Variants in RALYL observed in about 807,000 individuals in gnomAD.
RALYL encodes RNA-binding Raly-like protein.
RALYL carries 29 observed loss-of-function variants against 35.1 expected under a neutral mutation model. The ratio of observed to expected loss-of-function variants is 0.83; its 90% confidence interval spans 0.61 to 1.13. The LOEUF (loss-of-function observed/expected upper bound fraction) is 1.13, where lower values mean the gene tolerates loss of function less well. Ranked by LOEUF, RALYL falls within the 50% of genes most tolerant of loss-of-function variation. The pLI is 0.00. For missense variants in RALYL, 359 were observed against 360.4 expected (o/e 1.00, Z 0.03); for synonymous variants, 120 against 127.6 (o/e 0.94, Z 0.40).
At chr8:84,538,888 G>A (rs186442281) in intron 2 of RALYL, among the ~76,000 whole-genome samples, 1 of 152,182 alleles carries the variant, frequency 6.6e-6, no homozygotes, top group Non-Finnish European at 1.5e-5. Context: ...TAAATAAAAA[G>A]TATTATAAGG....
At chr8:84,907,988 G>A (rs1846820895) in intron 8 of RALYL, among the ~76,000 whole-genome samples, 1 of 152,064 alleles carries the variant, frequency 6.6e-6, no homozygotes, top group Admixed American at 6.6e-5. Flanking sequence ...TGTTAAGACT[G>A]ACACAAACAT....
intron 3 of RALYL, among the ~76,000 whole-genome samples, chr8:84,776,818 T>A (rs1816953975): frequency 6.6e-6 from 1 of 152,228 alleles, no homozygotes; most frequent in Non-Finnish European, 1.5e-5. Context: ...TATTCAATTG[T>A]GTTCAAAAGA....
chr8:84,809,670 G>A (rs772857463), intron 4 of RALYL, among the ~76,000 whole-genome samples: 1 of 151,988 alleles, frequency 6.6e-6, no homozygotes, highest in African/African-American at 2.4e-5. Context: ...CTTGTTGTTG[G>A]TCTGTTCAGG....
chr8:84,795,196 G>A (rs1381441272), intron 3 of RALYL, among the ~76,000 whole-genome samples: 1 of 152,198 alleles, frequency 6.6e-6, no homozygotes, highest in Admixed American at 6.5e-5. Context: ...GAATGAAGGA[G>A]CCTGGCTGTC....
intron 2 of RALYL, among the ~76,000 whole-genome samples, chr8:84,726,252 T>A (rs1844929154): frequency 6.8e-6 from 1 of 146,950 alleles, no homozygotes; most frequent in African/African-American, 2.5e-5. Context: ...TATAATTATA[T>A]CTAATTTTAT....
intron 1 of RALYL, among the ~76,000 whole-genome samples, chr8:84,373,128 A>G (rs1856246767): frequency 6.6e-6 from 1 of 150,590 alleles, no homozygotes; most frequent in South Asian, 2.1e-4. Context: ...CTTATAGATG[A>G]TGGATATTAG....
intron 1 of RALYL, among the ~76,000 whole-genome samples, chr8:84,293,048 G>A (rs974074557): frequency 1.3e-5 from 2 of 152,022 alleles, no homozygotes; most frequent in Non-Finnish European, 2.9e-5. Context: ...CATTACTTCA[G>A]TATTACATTT....
chr8:84,376,552 A>G (rs528689897), intron 1 of RALYL, among the ~76,000 whole-genome samples: 2 of 151,904 alleles, frequency 1.3e-5, no homozygotes, highest in South Asian at 4.1e-4. Flanking sequence ...AAGGCATGAC[A>G]TCTCCCATTG....
At chr8:84,405,291 T>C (rs554075548) in intron 1 of RALYL, among the ~76,000 whole-genome samples, 1 of 151,964 alleles carries the variant, frequency 6.6e-6, no homozygotes, top group South Asian at 2.1e-4. Context: ...ACCATAACAA[T>C]TGAAAGAACT....
chr8:84,604,687 T>C (rs1405239506), intron 2 of RALYL, among the ~76,000 whole-genome samples: 1 of 152,170 alleles, frequency 6.6e-6, no homozygotes, highest in Non-Finnish European at 1.5e-5. Flanking sequence ...TTGTTTTCCA[T>C]CTATTCTTAT....
intron 1 of RALYL, among the ~76,000 whole-genome samples, chr8:84,463,087 A>G (rs1333784330): frequency 6.6e-6 from 1 of 151,914 alleles, no homozygotes; most frequent in Non-Finnish European, 1.5e-5. Flanking sequence ...TGACTTTCAT[A>G]TTTGTTAGAG....
chr8:84,395,273 C>T (rs189206400), intron 1 of RALYL, among the ~76,000 whole-genome samples: 275 of 151,866 alleles, frequency 1.8e-3, no homozygotes, highest in African/African-American at 6.4e-3. Context: ...TGTTAGGATG[C>T]TTTATTTCTG....
At chr8:84,726,324 T>A (rs987460953) in intron 2 of RALYL, among the ~76,000 whole-genome samples, 1 of 147,234 alleles carries the variant, frequency 6.8e-6, no homozygotes, top group African/African-American at 2.5e-5. Context: ...AAATATATAA[T>A]TATATATAAT....
At chr8:84,426,759 C>G (rs138426394) in intron 1 of RALYL, among the ~76,000 whole-genome samples, 1 of 152,216 alleles carries the variant, frequency 6.6e-6, no homozygotes, top group African/African-American at 2.4e-5. Context: ...CTGTGAGATA[C>G]CACCTCATAC....
chr8:84,366,763 C>CAAAAAAAAAA (rs1166208925), intron 1 of RALYL, among the ~76,000 whole-genome samples: 4 of 56,678 alleles, frequency 7.1e-5, no homozygotes, highest in African/African-American at 2.0e-4. Flanking sequence ...ATTTTTGTCT[C>CAAAAAAAAAA]AAAAAAAAAA....
intron 1 of RALYL, among the ~76,000 whole-genome samples, chr8:84,397,017 A>C (rs530280019): frequency 1.3e-5 from 2 of 152,290 alleles, no homozygotes; most frequent in East Asian, 3.9e-4. Flanking sequence ...GATCTTGAGA[A>C]GGGAAGACAA....
chr8:84,633,389 A>C lies in RALYL; in HGVS notation c.256+103812A>C, dbSNP rs535223459. On this transcript the variant is annotated intron_variant, in intron 2 of 8. Coordinates refer to ENST00000521268, the MANE Select transcript of RALYL (RefSeq NM_173848.7). ...CCTTTCCCCCCTGACTTTAAAAAAAAATTTTTAGCTGCACAATTTAAAATA... is the reference window on the plus strand; with the variant it reads ...CCTTTCCCCCCTGACTTTAAAAAAACATTTTTAGCTGCACAATTTAAAATA... Among the ~76,000 whole-genome samples, 4 of 151,952 alleles carry C rather than the reference A, an allele frequency of 2.6e-5. No homozygotes were observed. The East Asian group carries it at 7.8e-4, about 30-fold the overall frequency.
At chr8:84,325,550 G>T (rs1845646006) in intron 1 of RALYL, among the ~76,000 whole-genome samples, 1 of 152,144 alleles carries the variant, frequency 6.6e-6, no homozygotes, top group Non-Finnish European at 1.5e-5. Context: ...GATAGACAAG[G>T]ACTGCCTCTC....
chr8:84,470,798 C>T (rs1314386986), intron 1 of RALYL, among the ~76,000 whole-genome samples: 1 of 152,156 alleles, frequency 6.6e-6, no homozygotes, highest in Non-Finnish European at 1.5e-5. Flanking sequence ...GCCAAATTCT[C>T]TACTCATAGT....
Sources: gnomAD v4.1 joint callset for allele counts (sites outside exome capture counted in the v4.1 genomes callset) on GRCh38, gnomAD v4.1.1 for gene constraint, MANE v1.5 for transcripts, NCBI Gene and HGNC (gene_info 2026-07-23, HGNC 2026-07-21) for gene names.